The following STX18 variants were observed in gnomAD, a reference collection of about 807,000 sequenced individuals.
STX18 encodes the protein syntaxin 18, also known as syntaxin-18.
STX18 carries 40 observed loss-of-function variants against 50.1 expected under a neutral mutation model. The observed-to-expected ratio is 0.80, with a 90% CI of 0.62 to 1.04. The LOEUF (loss-of-function observed/expected upper bound fraction) is 1.04. Ranked by LOEUF, STX18 falls within the 50% of genes least tolerant of loss-of-function variation. STX18 has a pLI of 0.00. For missense variants in STX18, 410 were observed against 415.8 expected (o/e 0.99, Z 0.12); for synonymous variants, 158 against 151.8 (o/e 1.04, Z -0.30).
At chr4:4,448,860 A>G (rs1438188137) in intron 5 of STX18, among the ~76,000 whole-genome samples, 1 of 151,988 alleles carries the variant, frequency 6.6e-6, no homozygotes, top group Non-Finnish European at 1.5e-5. Context: ...TTCCAACCCA[A>G]CACCACAGGG....
intron 1 of STX18, among the ~76,000 whole-genome samples, chr4:4,476,557 T>G (rs545273759): frequency 6.6e-6 from 1 of 152,382 alleles, no homozygotes; most frequent in South Asian, 2.1e-4. Context: ...GTCGTTTTAA[T>G]GTCCACTGTA....
chr4:4,531,152 T>TACACACACACACACACACAC (rs142048912), intron 1 of STX18, among the ~76,000 whole-genome samples: 1 of 149,576 alleles, frequency 6.7e-6, no homozygotes, highest in Non-Finnish European at 1.5e-5. Context: ...GGATAAAATT[T>TACACACACACACACACACAC]ACACACACAC....
At chr4:4,493,203 T>C (rs1287542981) in intron 1 of STX18, among the ~76,000 whole-genome samples, 1 of 152,172 alleles carries the variant, frequency 6.6e-6, no homozygotes, top group Non-Finnish European at 1.5e-5. Flanking sequence ...CTACACACAT[T>C]TAGGCACCAC....
chr4:4,457,553 G>A (rs1727146235), intron 3 of STX18, 53 bp from the exon 4 acceptor site: 2 of 1,347,988 alleles, frequency 1.5e-6, no homozygotes, highest in Non-Finnish European at 1.0e-6. Flanking sequence ...ATCCTAAAGA[G>A]CAATTCATCA....
intron 1 of STX18, among the ~76,000 whole-genome samples, chr4:4,494,426 C>T (rs1008361001): frequency 2.0e-5 from 3 of 152,118 alleles, no homozygotes; most frequent in East Asian, 1.9e-4. Context: ...ATCCAAGTCT[C>T]GGTGCTGTGC....
intron 1 of STX18, among the ~76,000 whole-genome samples, chr4:4,482,215 CT>C (rs1728495333): frequency 6.6e-6 from 1 of 152,202 alleles, no homozygotes; most frequent in Non-Finnish European, 1.5e-5. Context: ...TTTACATGTT[CT>C]TGCTAAGCTC....
chr4:4,425,913 T>A (rs1240481194), intron 7 of STX18: 2 of 152,448 alleles, frequency 1.3e-5, no homozygotes, highest in African/African-American at 4.8e-5. Context: ...AAGAAAAGGA[T>A]GGAAGCTCCT....
At chr4:4,504,864 A>C (rs73088226) in intron 1 of STX18, among the ~76,000 whole-genome samples, 5,963 of 152,180 alleles carry the variant, frequency 0.039, 360 homozygotes, top group African/African-American at 0.14. Flanking sequence ...GGAGCACAAA[A>C]TTGTACAGCC....
intron 5 of STX18, among the ~76,000 whole-genome samples, chr4:4,441,969 A>C (rs550970007): frequency 2.0e-5 from 3 of 152,340 alleles, no homozygotes; most frequent in African/African-American, 7.2e-5. Flanking sequence ...AATCTAGGGT[A>C]TAGGTATATG....
intron 1 of STX18, among the ~76,000 whole-genome samples, chr4:4,487,003 G>T (rs752673439): frequency 1.4e-4 from 22 of 152,058 alleles, no homozygotes; most frequent in Non-Finnish European, 2.2e-4. Flanking sequence ...TTCTATAAAA[G>T]AAATAAACAT....
chr4:4,474,333 AGGCAGTTTCT>A (rs955817230), intron 1 of STX18, among the ~76,000 whole-genome samples: 2 of 124,614 alleles, frequency 1.6e-5, no homozygotes, highest in African/African-American at 9.8e-5. Flanking sequence ...AGAGCTTGTC[AGGCAGTTTCT>A]GGCACAAAGC....
chr4:4,493,916 G>A (rs1019612203), intron 1 of STX18, among the ~76,000 whole-genome samples: 7 of 152,182 alleles, frequency 4.6e-5, no homozygotes, highest in Non-Finnish European at 1.0e-4. Flanking sequence ...AAAGAGGTTC[G>A]TGGGCTTTCA....
chr4:4,491,463 T>C (rs1427603785), intron 1 of STX18, among the ~76,000 whole-genome samples: 1 of 152,146 alleles, frequency 6.6e-6, no homozygotes, highest in African/African-American at 2.4e-5. Flanking sequence ...TGAGGGTTTT[T>C]TCCTTGAAGT....
intron 5 of STX18, chr4:4,453,627 T>A (rs987830945): frequency 3.2e-5 from 31 of 959,330 alleles, no homozygotes; most frequent in Non-Finnish European, 3.7e-5. Flanking sequence ...ACACCTGTGA[T>A]ATCTCCGAGG....
chr4:4,497,390 G>C (rs1486341408), intron 1 of STX18, among the ~76,000 whole-genome samples: 2 of 152,174 alleles, frequency 1.3e-5, no homozygotes, highest in African/African-American at 4.8e-5. Context: ...TCAGGCCCTG[G>C]AACTAGAACA....
At chr4:4,473,459 A>T (rs1027370178) in intron 1 of STX18, among the ~76,000 whole-genome samples, 5 of 151,402 alleles carry the variant, frequency 3.3e-5, no homozygotes, top group Non-Finnish European at 2.9e-5. Context: ...CACCCGGCTA[A>T]TTTTTTTGTA....
chr4:4,529,689 C>T (rs947519826), intron 1 of STX18, among the ~76,000 whole-genome samples: 2 of 152,200 alleles, frequency 1.3e-5, no homozygotes, highest in Non-Finnish European at 2.9e-5. Context: ...CATCTCACAG[C>T]ACCAGGGACG....
intron 1 of STX18, among the ~76,000 whole-genome samples, chr4:4,492,905 G>T (rs1729005175): frequency 6.6e-6 from 1 of 151,918 alleles, no homozygotes; most frequent in Non-Finnish European, 1.5e-5. Context: ...TCAGATTCTG[G>T]GCAAATCTGT....
intron 8 of STX18, 49 bp from the exon 9 acceptor site, chr4:4,423,636 T>G: frequency 6.4e-7 from 1 of 1,560,246 alleles, no homozygotes; most frequent in Non-Finnish European, 8.8e-7. Flanking sequence ...CTTGGTAATC[T>G]AACAGGACTG....
Sources: allele counts gnomAD v4.1 joint callset (sites outside exome capture counted in the v4.1 genomes callset), GRCh38; gene constraint gnomAD v4.1.1; transcripts MANE v1.5; gene names NCBI Gene and HGNC (gene_info 2026-07-23, HGNC 2026-07-21).